Variants in PDE4A observed in about 807,000 individuals in gnomAD.
PDE4A encodes the protein 3',5'-cyclic-AMP phosphodiesterase 4A.
Under a neutral mutation model 73.9 loss-of-function variants are expected in PDE4A, and 21 were observed. The observed-to-expected ratio is 0.28, with a 90% CI of 0.20 to 0.41. PDE4A has a LOEUF of 0.41. Among genes scored for constraint, PDE4A ranks in the 10% least tolerant of loss-of-function variants. The pLI is 1.00. For missense variants in PDE4A, 958 were observed against 1,211.4 expected, an observed-to-expected ratio of 0.79 and a Z score of 3.10; for synonymous variants, 463 against 505.4, an observed-to-expected ratio of 0.92 and a Z score of 1.13.
upstream of PDE4A, chr19:10,417,326 C>T (rs2042597927): frequency 1.0e-6 from 1 of 984,928 alleles, no homozygotes; most frequent in African/African-American, 1.8e-5. Context: ...CCAAGAGGGG[C>T]CCTCTTAGAC....
chr19:10,439,159 G>A (rs1449946235), intron 1 of PDE4A, among the ~76,000 whole-genome samples: 2 of 152,004 alleles, frequency 1.3e-5, no homozygotes, highest in Non-Finnish European at 2.9e-5. Flanking sequence ...CTACGTGTTT[G>A]TTTGTTTTGA....
At chr19:10,464,520 G>A (rs552682082) in intron 14 of PDE4A, 7 of 445,632 alleles carry the variant, frequency 1.6e-5, no homozygotes, top group Admixed American at 9.7e-5. Context: ...GGGCTCAAGC[G>A]ATCTTCCTGC....
chr19:10,456,666 A>G (rs2043175211), intron 7 of PDE4A, among the ~76,000 whole-genome samples: 1 of 151,944 alleles, frequency 6.6e-6, no homozygotes, highest in African/African-American at 2.4e-5. Flanking sequence ...GCAGTGAGAC[A>G]TGATTGCGCC....
intron 10 of PDE4A, among the ~76,000 whole-genome samples, chr19:10,460,132 C>G (rs1490249585): frequency 1.3e-5 from 2 of 152,022 alleles, no homozygotes; most frequent in African/African-American, 2.4e-5. Context: ...ATCAGCCCGC[C>G]TTGGCCTCCC....
At chr19:10,446,058 G>A (rs976919521) in intron 1 of PDE4A, 160 bp from the exon 2 acceptor site, 31 of 701,896 alleles carry the variant, frequency 4.4e-5, no homozygotes, top group Middle Eastern at 7.4e-4. Flanking sequence ...GGCTGGTCTC[G>A]AACTCCTGAC....
Position 10,453,115 on chromosome 19 carries a change from C to G in PDE4A, c.784-1714C>G, listed in dbSNP as rs1405961724. On this transcript the variant is annotated intron_variant, in intron 6 of 14. Transcript: ENST00000380702. This position sits in a 1 kb window ranked among gnomAD's most constrained non-coding sequence, Gnocchi z 4.6. ...GGGAGCGCGGAGGGGAAGGGAGCCC[C>G]CAGCCCTGCTGGGCCGGCCCAGGCC... The G allele has an allele frequency of 7.3e-7, 1 of 1,369,890 alleles. No individual in the cohort carries two copies. The highest frequency in any genetic ancestry group is 1.5e-5 in the African/African-American group (1 of 66,088). The allele number at this position is 1,369,890 out of a possible 1,614,324, so 84.9% of individuals were successfully genotyped here. A position where few individuals can be genotyped will look rare whatever the true frequency, so the allele number is the denominator to read the frequency against.
chr19:10,425,231 A>AAC (rs1180648564), intron 1 of PDE4A, among the ~76,000 whole-genome samples: 4 of 151,436 alleles, frequency 2.6e-5, no homozygotes, highest in Non-Finnish European at 5.9e-5. Context: ...TCAAAAAAAA[A>AAC]AACAAAAAAC....
upstream of PDE4A, chr19:10,418,970 G>A (rs376213553): frequency 2.0e-6 from 2 of 985,144 alleles, no homozygotes; most frequent in African/African-American, 1.7e-5. Flanking sequence ...GCTGATGGGG[G>A]GGCCGGTTTT....
intron 7 of PDE4A, among the ~76,000 whole-genome samples, chr19:10,455,997 C>T (rs571215562): frequency 6.6e-6 from 1 of 150,404 alleles, no homozygotes; most frequent in East Asian, 2.0e-4. Context: ...TGAAAAACCC[C>T]CAAATTCAAT....
rs1361753953 is a variant in PDE4A at position 10,424,717 on chromosome 19, C to CTTT, written c.320+3633_320+3634insTTT. Among the ~76,000 whole-genome samples the CTTT allele has an allele frequency of 4.6e-5, 7 of 152,266 alleles. No homozygotes were observed. The highest frequency in any genetic ancestry group is 7.3e-5 in the Non-Finnish European group (5 of 68,044). On this transcript the variant is annotated intron_variant, in intron 1 of 14. Transcript: ENST00000380702. The surrounding 1 kb of genome is among the most constrained non-coding windows in gnomAD (Gnocchi z 4.8). ...GGGACCAGGCCGCTTTCCCCATGCG[C>CTTT]CAGCCCCTGCCACACGCTGCGGGGA...
intron 1 of PDE4A, chr19:10,423,157 C>CCT (rs2042671771): frequency 5.3e-6 from 4 of 756,040 alleles, no homozygotes; most frequent in Non-Finnish European, 6.2e-6. Flanking sequence ...AACCCTTTCT[C>CCT]TTTTTTTTTT....
intron 1 of PDE4A, among the ~76,000 whole-genome samples, chr19:10,435,040 T>C (rs2042846562): frequency 6.6e-6 from 1 of 151,990 alleles, no homozygotes; most frequent in Non-Finnish European, 1.5e-5. Flanking sequence ...TAGTTCTTGT[T>C]ATTATAATCT....
At chr19:10,427,431 A>C in intron 1 of PDE4A, 1 of 944,786 alleles carries the variant, frequency 1.1e-6, no homozygotes, top group Non-Finnish European at 1.3e-6. Flanking sequence ...TGTCTGAGGC[A>C]GAGTGAGCGA....
intron 6 of PDE4A, chr19:10,452,858 C>G: frequency 5.0e-6 from 3 of 598,570 alleles, no homozygotes; most frequent in Non-Finnish European, 4.2e-6. Flanking sequence ...TCTGATGCCC[C>G]TTTAATACCC....
chr19:10,427,317 G>C (rs1278002414), intron 1 of PDE4A, among the ~76,000 whole-genome samples: 1 of 152,160 alleles, frequency 6.6e-6, no homozygotes, highest in African/African-American at 2.4e-5. Flanking sequence ...ACAAAAGAGG[G>C]AGGTTGCTAC....
intron 2 of PDE4A, 99 bp from the exon 3 acceptor site, chr19:10,448,818 C>A: frequency 6.3e-7 from 1 of 1,580,066 alleles, no homozygotes; most frequent in Non-Finnish European, 8.6e-7. Context: ...AGAGTCCCCT[C>A]CCTCCCTCTC....
chr19:10,421,197 C>T (rs1338080093), intron 1 of PDE4A, 113 bp downstream of exon 1: 1 of 1,331,162 alleles, frequency 7.5e-7, no homozygotes, highest in East Asian at 3.1e-5. Flanking sequence ...GTTTGGCTGG[C>T]GGGGGCGGAG....
intron 1 of PDE4A, among the ~76,000 whole-genome samples, chr19:10,436,068 G>T (rs1471993711): frequency 6.6e-6 from 1 of 152,152 alleles, no homozygotes; most frequent in Non-Finnish European, 1.5e-5. Context: ...TGCTAGCTGG[G>T]CACCTGCTTG....
rs2043199687 is a variant in PDE4A at position 10,458,011 on chromosome 19, G to T, written c.1010G>T (p.Gly337Val). 1 of 1,613,928 alleles carries T rather than the reference G, an allele frequency of 6.2e-7. No individual in the cohort carries two copies. Among genetic ancestry groups the T allele is most frequent in the East Asian group, 2.2e-5 (1 of 44,876 alleles). Residue 337 changes from glycine (G) to valine (V), a missense_variant, in exon 8 of 15, where the codon GGG becomes GTG. Around this residue, in one of 3 missense-constraint regions of PDE4A, gnomAD observed 570 missense variants for 827.7 expected, o/e 0.69. Transcript: ENST00000380702. This position sits in a 1 kb window ranked among gnomAD's most constrained non-coding sequence, Gnocchi z 4.6. ...PHLQPMSQIT[G>V]LKKLMHSNSL... The stretch of plus-strand genomic sequence containing the variant: ...TTACAGCCCATGTCCCAAATCACAG[G>T]GTTGAAAAAGTTGATGCATAGTAAC...
Sources: gnomAD v4.1 joint callset for allele counts (sites outside exome capture counted in the v4.1 genomes callset) on GRCh38, gnomAD v4.1.1 for gene constraint, gnomAD v4.1.1 regional missense constraint, Gnocchi (gnomAD v3.1) non-coding constraint, MANE v1.5 for transcripts, NCBI Gene and HGNC (gene_info 2026-07-23, HGNC 2026-07-21) for gene names.